PAX7: variants seen among roughly 807,000 people sequenced by gnomAD.
The protein encoded by PAX7 is paired box protein Pax-7.
Under a neutral mutation model 50.7 loss-of-function variants are expected in PAX7, and 18 were observed. The ratio of observed to expected loss-of-function variants is 0.36; its 90% CI spans 0.25 to 0.53. PAX7 has a LOEUF of 0.53. Ranked by LOEUF, PAX7 falls within the 20% of genes least tolerant of loss-of-function variation. The pLI, the probability that PAX7 is intolerant of heterozygous loss-of-function variation, is 0.93. For synonymous variants in PAX7, 310 were observed against 290.4 expected (o/e 1.07, Z -0.69); for missense variants, 644 against 702.9 (o/e 0.92, Z 0.95).
At chr1:18,734,406 C>T (rs565105508) in intron 7 of PAX7, among the ~76,000 whole-genome samples, 1 of 152,258 alleles carries the variant, frequency 6.6e-6, no homozygotes, top group East Asian at 1.9e-4. Flanking sequence ...CCTACCCTCT[C>T]CCCTGCCCTC....
At chr1:18,703,331 C>G (rs1448738193) in intron 7 of PAX7, 35 bp downstream of exon 7, 3 of 1,590,574 alleles carry the variant, frequency 1.9e-6, no homozygotes, top group African/African-American at 1.3e-5. Context: ...AGGATCCCAC[C>G]GCCACGAAAG....
Position 18,744,950 on chromosome 1 carries a change from C to A in PAX7, c.*21C>A. ...ACTAGGGCCCCTGGGGCGACTTGCC[C>A]CAGCCCAATTCCCAGCCCAACCCTA... On this transcript the variant is annotated 3_prime_UTR_variant, in exon 9 of 9. Transcript: ENST00000420770. 1 of 1,387,804 alleles carries A rather than the reference C, an allele frequency of 7.2e-7. No individual in the cohort carries two copies. The highest frequency in any genetic ancestry group is 1.0e-6 in the Non-Finnish European group (1 of 997,754). The allele number at this position is 1,387,804 out of a possible 1,614,324, so 86.0% of individuals were successfully genotyped here. A position where few individuals can be genotyped will look rare whatever the true frequency, so the allele number is the denominator to read the frequency against.
intron 4 of PAX7, among the ~76,000 whole-genome samples, chr1:18,660,656 C>T (rs2088587329): frequency 6.6e-6 from 1 of 152,178 alleles, no homozygotes; most frequent in South Asian, 2.1e-4. Context: ...CCCCTACTAG[C>T]CCCAGAGAGC....
chr1:18,638,544 C>T (rs991741197), intron 4 of PAX7, among the ~76,000 whole-genome samples: 13 of 152,180 alleles, frequency 8.5e-5, no homozygotes, highest in East Asian at 1.9e-4. Flanking sequence ...GCAGTTTTTG[C>T]GTGACAGTGG....
intron 7 of PAX7, among the ~76,000 whole-genome samples, chr1:18,724,267 C>G (rs146362837): frequency 1.3e-4 from 20 of 152,354 alleles, no homozygotes; most frequent in African/African-American, 4.8e-4. Context: ...GAAAACTGGG[C>G]AGGGCCAAGC....
chr1:18,727,568 A>G (rs2089591005), intron 7 of PAX7, among the ~76,000 whole-genome samples: 1 of 152,166 alleles, frequency 6.6e-6, no homozygotes, highest in South Asian at 2.1e-4. Context: ...ATTCTGGGTG[A>G]GCCGCTAAGC....
intron 1 of PAX7, among the ~76,000 whole-genome samples, chr1:18,633,961 A>G (rs1023023325): frequency 6.6e-6 from 1 of 152,142 alleles, no homozygotes; most frequent in Non-Finnish European, 1.5e-5. Flanking sequence ...CTCTGTCTGC[A>G]GTCTCATCTT....
In PAX7 at chr1:18,720,382, T is replaced by G. The variant is rs531622405; in HGVS notation, c.1156-15250T>G. Reference sequence around the variant, plus strand: ...AGCAAGGGAGGTGGCTGCGTTTCTGTACTCAGCCAACACCCAGCTAGACCA... The same window carrying G: ...AGCAAGGGAGGTGGCTGCGTTTCTGGACTCAGCCAACACCCAGCTAGACCA... On this transcript the variant is annotated intron_variant, in intron 7 of 8. Coordinates refer to ENST00000420770, the MANE Select transcript of PAX7 (RefSeq NM_001135254.2). Among the ~76,000 whole-genome samples, 9 of 152,206 alleles carry G rather than the reference T, an allele frequency of 5.9e-5. No individual in the cohort carries two copies. The South Asian group carries it at 1.9e-3, about 32-fold the overall frequency.
chr1:18,677,055 A>G (rs1209626787), intron 4 of PAX7, among the ~76,000 whole-genome samples: 5 of 152,236 alleles, frequency 3.3e-5, no homozygotes, highest in East Asian at 1.9e-4. Context: ...CAAGGTGAAG[A>G]GTCCTCTCAT....
intron 4 of PAX7, among the ~76,000 whole-genome samples, chr1:18,667,566 A>G (rs751502072): frequency 6.6e-6 from 1 of 152,158 alleles, no homozygotes; most frequent in Non-Finnish European, 1.5e-5. Context: ...CAGAAGGTAG[A>G]TAGTGGAGGA....
At position 18,677,194 on chromosome 1, in the gene PAX7, G is replaced by C. The variant is rs80315411; in HGVS notation, c.587-14560G>C. On this transcript the variant is annotated intron_variant, in intron 4 of 8. Coordinates refer to ENST00000420770, the MANE Select transcript of PAX7 (RefSeq NM_001135254.2). ...AACCAAGTTGATGGCTTTGGTGTTG[G>C]TGTCTCCAGAGGGTGAAGTCTGTTT... Among the ~76,000 whole-genome samples, 394 of 152,350 alleles carry C rather than the reference G, an allele frequency of 2.6e-3. 7 individuals are homozygous for C. The East Asian group carries it at 0.063, about 24-fold the overall frequency.
At chr1:18,653,922 G>A (rs570365828) in intron 4 of PAX7, among the ~76,000 whole-genome samples, 1 of 152,246 alleles carries the variant, frequency 6.6e-6, no homozygotes, top group African/African-American at 2.4e-5. Context: ...TGGCAGACGT[G>A]TGTGCGGTCA....
At chr1:18,669,523 A>G (rs1313254871) in intron 4 of PAX7, among the ~76,000 whole-genome samples, 1 of 152,182 alleles carries the variant, frequency 6.6e-6, no homozygotes, top group East Asian at 1.9e-4. Context: ...CTCTGGGCTC[A>G]GTATTTGCAT....
chr1:18,639,872 T>C (rs2088223183), intron 4 of PAX7, among the ~76,000 whole-genome samples: 1 of 152,178 alleles, frequency 6.6e-6, no homozygotes, highest in South Asian at 2.1e-4. Flanking sequence ...GGCTCCGCTT[T>C]GTTCTCTAGG....
At chr1:18,698,120 T>C (rs1452095710) in intron 5 of PAX7, among the ~76,000 whole-genome samples, 1 of 152,136 alleles carries the variant, frequency 6.6e-6, no homozygotes, top group African/African-American at 2.4e-5. Context: ...CAAACTACAG[T>C]GGCATATCCC....
rs202188104 is a variant in PAX7 at position 18,636,262 on chromosome 1, G to A, written c.477G>A (p.Val159=). Residue 159 remains valine (V), a synonymous_variant, in exon 4 of 9, where the codon GTG becomes GTA. Coordinates refer to ENST00000420770, the MANE Select transcript of PAX7 (RefSeq NM_001135254.2). This position sits in a 1 kb window ranked among gnomAD's most constrained non-coding sequence, Gnocchi z 5.1. The part of the protein sequence containing the change: ...PSGLVSSISR[V]LRIKFGKKEE... ...GTTTAGTGAGTTCGATTAGCCGCGT[G>A]CTCAGAATCAAGTTCGGGAAGAAAG... 5.0e-5 allele frequency: 80 copies of A among 1,614,214 alleles called. No individual in the cohort carries two copies. In the African/African-American group the frequency reaches 5.9e-4, roughly 12 times the overall value.
chr1:18,711,601 G>C (rs1352806690), intron 7 of PAX7, among the ~76,000 whole-genome samples: 2 of 152,100 alleles, frequency 1.3e-5, no homozygotes, highest in South Asian at 2.1e-4. Flanking sequence ...CAGGGGAAAG[G>C]CTGTCTCCTG....
chr1:18,707,410 TCTTTC>T (rs1426879645), intron 7 of PAX7, among the ~76,000 whole-genome samples: 16 of 99,004 alleles, frequency 1.6e-4, no homozygotes, highest in South Asian at 6.7e-4. Context: ...TTTCTTTTTT[TCTTTC>T]TTTTTTTTTT....
chr1:18,650,568 C>T (rs1387026356), intron 4 of PAX7, among the ~76,000 whole-genome samples: 1 of 152,226 alleles, frequency 6.6e-6, no homozygotes, highest in Non-Finnish European at 1.5e-5. Flanking sequence ...ACATACACAC[C>T]TGGGTACTTT....
Sources: gnomAD v4.1 joint callset for allele counts (sites outside exome capture counted in the v4.1 genomes callset) on GRCh38, gnomAD v4.1.1 for gene constraint, Gnocchi (gnomAD v3.1) non-coding constraint, MANE v1.5 for transcripts, NCBI Gene and HGNC (gene_info 2026-07-23, HGNC 2026-07-21) for gene names.